ETV7: variants seen among roughly 807,000 people sequenced by gnomAD.
The protein encoded by ETV7 is transcription factor ETV7.
ETV7 carries 43 observed loss-of-function variants against 39.1 expected under a neutral mutation model. That is an observed-to-expected ratio of 1.10 (90% confidence interval 0.86 to 1.42). The LOEUF is 1.42. ETV7 is among the 40% of genes most tolerant of loss of function. ETV7 has a pLI of 0.00. For synonymous variants in ETV7, 196 were observed against 176.6 expected, an observed-to-expected ratio of 1.11 and a Z score of -0.87; for missense variants, 432 against 442.3, an observed-to-expected ratio of 0.98 and a Z score of 0.21.
intron 2 of ETV7, 126 bp downstream of exon 2, chr6:36,385,408 G>C (rs184988157): frequency 8.9e-7 from 1 of 1,128,276 alleles, no homozygotes; most frequent in African/African-American, 1.5e-5. Context: ...GGAAGTTGAA[G>C]GTGCAGTGAG....
chr6:36,376,505 C>T (rs757189465), intron 2 of ETV7, among the ~76,000 whole-genome samples: 35 of 152,138 alleles, frequency 2.3e-4, no homozygotes, highest in African/African-American at 3.1e-4. Flanking sequence ...TGGCCAGGCG[C>T]GGTGGCTCAT....
chr6:36,362,629 C>T (rs983279732), downstream of ETV7, among the ~76,000 whole-genome samples: 1 of 152,210 alleles, frequency 6.6e-6, no homozygotes, highest in African/African-American at 2.4e-5. Flanking sequence ...AAATGAACCC[C>T]CTTACTCCAG....
intron 2 of ETV7, among the ~76,000 whole-genome samples, chr6:36,381,170 G>A (rs1282686475): frequency 6.6e-6 from 1 of 152,184 alleles, no homozygotes; most frequent in Non-Finnish European, 1.5e-5. Context: ...CCCCTTGCAG[G>A]AAGAATGCAG....
downstream of ETV7, among the ~76,000 whole-genome samples, chr6:36,361,492 G>C (rs1772486892): frequency 6.6e-6 from 1 of 152,224 alleles, no homozygotes; most frequent in Admixed American, 6.5e-5. Flanking sequence ...GGAAGACTGT[G>C]GCCCTAGGAT....
At chr6:36,364,472 G>A (rs953551712), downstream of ETV7, among the ~76,000 whole-genome samples, 1 of 152,226 alleles carries the variant, frequency 6.6e-6, no homozygotes. Context: ...CCGCTGGCCC[G>A]GGTGCTAAGT....
At chr6:36,383,158 T>TC (rs1773734666) in intron 2 of ETV7, among the ~76,000 whole-genome samples, 3 of 152,100 alleles carry the variant, frequency 2.0e-5, no homozygotes, top group Non-Finnish European at 2.9e-5. Context: ...TGCAGCTGCG[T>TC]CCCCCCATAG....
Position 36,385,677 on chromosome 6 carries a change from G to A in ETV7, c.7-8C>T. ...AATAGCCAATTCTCCCTCCTAGAGA[G>A]AGAAAAACCAGGACAGTCAAAGAAG... On this transcript the variant is annotated splice_polypyrimidine_tract_variant and splice_region_variant and intron_variant, in intron 1 of 7. Coordinates refer to ENST00000340181, the MANE Select transcript of ETV7 (RefSeq NM_016135.4). The A allele has an allele frequency of 2.5e-6, 4 of 1,595,534 alleles. No individual in the cohort carries two copies. Among genetic ancestry groups the A allele is most frequent in the Admixed American group, 1.8e-5 (1 of 54,930 alleles).
chr6:36,361,755 C>A (rs1268216823), downstream of ETV7, among the ~76,000 whole-genome samples: 1 of 152,212 alleles, frequency 6.6e-6, no homozygotes, highest in Non-Finnish European at 1.5e-5. Context: ...CATTAATGAA[C>A]TTTTTATTAT....
At chr6:36,374,461 G>A (rs1397897344) in intron 3 of ETV7, among the ~76,000 whole-genome samples, 1 of 152,220 alleles carries the variant, frequency 6.6e-6, no homozygotes, top group East Asian at 1.9e-4. Flanking sequence ...GAGGGGATCT[G>A]TGGGTAGAGA....
chr6:36,365,041 G>A (rs1772667449), downstream of ETV7, among the ~76,000 whole-genome samples: 1 of 152,194 alleles, frequency 6.6e-6, no homozygotes, highest in Non-Finnish European at 1.5e-5. Context: ...GGACTTCTCT[G>A]CAGTGACTCA....
intron 2 of ETV7, among the ~76,000 whole-genome samples, chr6:36,380,434 C>T (rs1773595303): frequency 2.0e-5 from 3 of 152,244 alleles, no homozygotes; most frequent in Admixed American, 6.5e-5. Flanking sequence ...TCCAGCTTGG[C>T]CAGCTCCCGA....
Position 36,371,393 on chromosome 6 carries a change from T to C in ETV7, c.601A>G (p.Arg201Gly). 1.2e-6 allele frequency: 2 copies of C among 1,602,276 alleles called. No homozygotes were observed. The change falls in exon 5 of 8, where the codon AGG becomes GGG. Residue 201 changes from arginine to glycine, a missense_variant. Coordinates refer to ENST00000340181, the MANE Select transcript of ETV7 (RefSeq NM_016135.4). ...GGGAAGGAACAGACCCCCTGGGTCC[T>C]GCAGCCGAGCTCTGCACAGTGACAT... is the stretch of plus-strand genomic sequence containing the variant. ...NLCHCAELGC[R>G]TQGVCSFPAM...
intron 2 of ETV7, among the ~76,000 whole-genome samples, chr6:36,379,600 G>T (rs1292837231): frequency 6.6e-6 from 1 of 150,780 alleles, no homozygotes; most frequent in Non-Finnish European, 1.5e-5. Context: ...GAAGAAGGCC[G>T]GGCGTGGTGG....
intron 7 of ETV7, among the ~76,000 whole-genome samples, chr6:36,358,574 C>A (rs1470996048): frequency 6.6e-6 from 1 of 152,258 alleles, no homozygotes; most frequent in East Asian, 1.9e-4. Context: ...CCCTGATGTT[C>A]AGTTTCCCCA....
rs1043223156 is a variant in ETV7 at position 36,366,447 on chromosome 6, G to A, written c.*198C>T. On this transcript the variant is annotated 3_prime_UTR_variant, in exon 8 of 8. Coordinates refer to ENST00000340181, the MANE Select transcript of ETV7 (RefSeq NM_016135.4). ...CTGTACCTCATTTAGCCCCAGGATTGCCCTGCCCAAAAGATGACACTCCTG... is the reference window on the plus strand; with the variant it reads ...CTGTACCTCATTTAGCCCCAGGATTACCCTGCCCAAAAGATGACACTCCTG... 3.5e-6 allele frequency: 5 copies of A among 1,437,892 alleles called. No homozygotes were observed. The South Asian group carries it at 7.3e-5, about 21-fold the overall frequency. The allele number at this position is 1,437,892 out of a possible 1,614,324, so 89.1% of individuals were successfully genotyped here.
intron 3 of ETV7, 189 bp downstream of exon 3, chr6:36,375,682 C>A: frequency 2.3e-6 from 2 of 854,196 alleles, no homozygotes; most frequent in Non-Finnish European, 3.6e-6. Context: ...GACTCCCTTG[C>A]TGAAGGCCTG....
Position 36,371,479 on chromosome 6 carries a change from C to T in ETV7, c.515G>A (p.Gly172Asp). The T allele has an allele frequency of 6.2e-7, 1 of 1,603,924 alleles. No homozygotes were observed. Among genetic ancestry groups the T allele is most frequent in the South Asian group, 1.1e-5 (1 of 88,960 alleles). Residue 172 changes from glycine (G) to aspartate (D), a missense_variant, in exon 5 of 8, where the codon GGC (glycine) becomes GAC (aspartate). By Grantham distance (94) the Gly-to-Asp change is moderately conservative. Transcript: ENST00000340181. ...PPDPGLTSNF[G>D]HLDDPGLARW... ...TGCCAGGCCAGGGTCATCCAGGTGG[C>T]CGAAGTTGCTGGTAAGCCCTGGGTC...
At chr6:36,385,931 A>G (rs751569751) in intron 1 of ETV7, among the ~76,000 whole-genome samples, 6 of 152,174 alleles carry the variant, frequency 3.9e-5, no homozygotes, top group Admixed American at 1.3e-4. Context: ...CCCTGCCAAG[A>G]CTTGTATGAT....
rs2234080 is a variant in ETV7, at chr6:36,368,987, G to T, written c.749C>A (p.Ala250Asp). The change falls in exon 6 of 8, where the codon GCC (alanine) becomes GAC (aspartate). Residue 250 changes from alanine to aspartate, a missense_variant. By Grantham distance (126) the Ala-to-Asp change is moderately radical. Coordinates refer to ENST00000340181, the MANE Select transcript of ETV7 (RefSeq NM_016135.4). Reference sequence around the variant, plus strand: ...TGGATCCACAACTCGGAAGATCTTGGCGTCCTTGTCTTCCCACTTGATGTA... The same window carrying T: ...TGGATCCACAACTCGGAAGATCTTGTCGTCCTTGTCTTCCCACTTGATGTA... ...EPYIKWEDKD[A>D]KIFRVVDPNG... 1 of 1,614,162 alleles carries T rather than the reference G, an allele frequency of 6.2e-7. No individual in the cohort carries two copies. Among genetic ancestry groups the T allele is most frequent in the African/African-American group, 1.3e-5 (1 of 75,036 alleles).
Sources: gnomAD v4.1 joint callset for allele counts (sites outside exome capture counted in the v4.1 genomes callset) on GRCh38, gnomAD v4.1.1 for gene constraint, MANE v1.5 for transcripts, NCBI Gene and HGNC (gene_info 2026-07-23, HGNC 2026-07-21) for gene names.